Variants in ELMO1 observed in about 807,000 individuals in gnomAD.
ELMO1 encodes engulfment and cell motility 1, also known as engulfment and cell motility protein 1.
ELMO1 carries 26 observed loss-of-function variants against 98.9 expected under a neutral mutation model. The observed-to-expected ratio is 0.26, with a 90% CI of 0.19 to 0.36. The LOEUF is 0.36. Among genes scored for constraint, ELMO1 ranks in the 10% least tolerant of loss-of-function variants. The probability of loss-of-function intolerance (pLI) is 1.00; values close to 1 mark genes in which losing one functional copy is unlikely to be tolerated. For synonymous variants in ELMO1, 346 were observed against 346.0 expected, an observed-to-expected ratio of 1.00 and a Z score of 0.00; for missense variants, 627 against 935.2, an observed-to-expected ratio of 0.67 and a Z score of 4.30.
chr7:37,274,295 T>G (rs958344332), intron 4 of ELMO1, among the ~76,000 whole-genome samples: 2 of 152,190 alleles, frequency 1.3e-5, no homozygotes, highest in Non-Finnish European at 2.9e-5. Flanking sequence ...AACATACCCT[T>G]TCTTTGCTCA....
At chr7:37,383,844 T>C (rs7807029) in intron 1 of ELMO1, among the ~76,000 whole-genome samples, 87,728 of 151,704 alleles carry the variant, frequency 0.58, 25,629 homozygotes, top group East Asian at 0.69. Context: ...GAGATGGAGT[T>C]TGGCTCTGTT....
chr7:37,210,539 G>C (rs1792899796), intron 13 of ELMO1, among the ~76,000 whole-genome samples: 1 of 150,496 alleles, frequency 6.6e-6, no homozygotes, highest in South Asian at 2.1e-4. Flanking sequence ...CTGTATATAT[G>C]TATATGCATG....
At chr7:37,413,806 T>C (rs935063682) in intron 1 of ELMO1, among the ~76,000 whole-genome samples, 30 of 152,188 alleles carry the variant, frequency 2.0e-4, no homozygotes, top group African/African-American at 6.5e-4. Flanking sequence ...GCCGCCCAAA[T>C]AGCGGGGATT....
chr7:37,428,801 G>A (rs1804812639), intron 1 of ELMO1, among the ~76,000 whole-genome samples: 1 of 152,232 alleles, frequency 6.6e-6, no homozygotes, highest in Non-Finnish European at 1.5e-5. Flanking sequence ...CTCTTATGGG[G>A]AAGTGTTAAC....
At chr7:37,419,444 C>T (rs1403385458) in intron 1 of ELMO1, among the ~76,000 whole-genome samples, 3 of 151,772 alleles carry the variant, frequency 2.0e-5, no homozygotes, top group Non-Finnish European at 4.4e-5. Flanking sequence ...TGATTTTTTT[C>T]TTTGTTGTCC....
At chr7:37,182,866 T>C (rs1790969954) in intron 13 of ELMO1, among the ~76,000 whole-genome samples, 1 of 152,134 alleles carries the variant, frequency 6.6e-6, no homozygotes, top group Non-Finnish European at 1.5e-5. Flanking sequence ...GTGTCAAACA[T>C]GGTGGAGGGG....
At chr7:37,393,195 A>G (rs1803155987) in intron 1 of ELMO1, among the ~76,000 whole-genome samples, 1 of 152,228 alleles carries the variant, frequency 6.6e-6, no homozygotes, top group South Asian at 2.1e-4. Flanking sequence ...TGCAGATATA[A>G]TATAAATAAA....
chr7:37,197,387 C>G (rs996541230), intron 13 of ELMO1, among the ~76,000 whole-genome samples: 9 of 152,178 alleles, frequency 5.9e-5, no homozygotes, highest in African/African-American at 2.2e-4. Flanking sequence ...GCCATGAAGC[C>G]AGCTCCCAGC....
Position 37,342,604 on chromosome 7 carries a change from G to A in ELMO1, c.78+9C>T, listed in dbSNP as rs201092994. 1,646 of 1,613,804 alleles carry A rather than the reference G, an allele frequency of 1.0e-3. 8 individuals are homozygous for A. The highest frequency in any genetic ancestry group is 2.1e-3 in the Middle Eastern group (13 of 6,060). ...GAAAATAGACACCCAATGCTGTCAC[G>A]TTACTAACCTGATCAATTTCCATGA... is the stretch of plus-strand genomic sequence containing the variant. On this transcript the variant is annotated intron_variant, in intron 2 of 21. Coordinates refer to ENST00000310758, the MANE Select transcript of ELMO1 (RefSeq NM_014800.11). This position sits in a 1 kb window ranked among gnomAD's most constrained non-coding sequence, Gnocchi z 4.3.
intron 13 of ELMO1, among the ~76,000 whole-genome samples, chr7:37,188,787 T>C (rs1337488547): frequency 1.3e-5 from 2 of 152,126 alleles, no homozygotes; most frequent in African/African-American, 2.4e-5. Context: ...CCACTAAATC[T>C]TGCTGGGGTT....
chr7:37,400,343 T>C (rs1217851770), intron 1 of ELMO1, among the ~76,000 whole-genome samples: 1 of 152,156 alleles, frequency 6.6e-6, no homozygotes, highest in Non-Finnish European at 1.5e-5. Flanking sequence ...ATGTGCTGTG[T>C]GGACCATGAA....
At chr7:37,321,716 CAAAAAAAAAAAAA>C (rs565421716) in intron 2 of ELMO1, among the ~76,000 whole-genome samples, 1 of 66,104 alleles carries the variant, frequency 1.5e-5, no homozygotes, top group Non-Finnish European at 2.7e-5. Context: ...GACTCCGTCT[CAAAAAAAAAAAAA>C]AAAAAAAAAC....
intron 16 of ELMO1, among the ~76,000 whole-genome samples, chr7:37,010,374 G>T (rs1051263292): frequency 6.6e-6 from 1 of 152,206 alleles, no homozygotes; most frequent in Non-Finnish European, 1.5e-5. Context: ...CAGCACAGGG[G>T]AATTGGGGTT....
intron 13 of ELMO1, among the ~76,000 whole-genome samples, chr7:37,161,909 T>C (rs368130265): frequency 1.4e-5 from 1 of 73,836 alleles, no homozygotes; most frequent in Non-Finnish European, 3.0e-5. Flanking sequence ...TAATCAAATA[T>C]ATATATATAT....
At chr7:37,252,987 C>T (rs960556738) in intron 6 of ELMO1, among the ~76,000 whole-genome samples, 3 of 152,174 alleles carry the variant, frequency 2.0e-5, no homozygotes, top group Non-Finnish European at 4.4e-5. Flanking sequence ...AGCTCATCAT[C>T]ACTGGTCATT....
chr7:37,355,603 G>T (rs769127653), intron 1 of ELMO1, among the ~76,000 whole-genome samples: 3 of 152,258 alleles, frequency 2.0e-5, no homozygotes, highest in African/African-American at 4.8e-5. Flanking sequence ...AGGGGGGAAA[G>T]TTAGGGTAAG....
intron 2 of ELMO1, among the ~76,000 whole-genome samples, chr7:37,317,517 C>T (rs1799249767): frequency 6.6e-6 from 1 of 152,102 alleles, no homozygotes; most frequent in Admixed American, 6.5e-5. Context: ...CTGTCATTTG[C>T]AATAACATGG....
At chr7:36,917,941 A>G (rs900232593) in intron 16 of ELMO1, among the ~76,000 whole-genome samples, 1 of 152,240 alleles carries the variant, frequency 6.6e-6, no homozygotes, top group South Asian at 2.1e-4. Context: ...AAAACATAAT[A>G]CTGAGTGAAA....
At chr7:36,989,942 A>C (rs1218425046) in intron 16 of ELMO1, among the ~76,000 whole-genome samples, 1 of 152,202 alleles carries the variant, frequency 6.6e-6, no homozygotes, top group Non-Finnish European at 1.5e-5. Flanking sequence ...TGCAAGGTAA[A>C]CAGATAATTT....
Sources: allele counts gnomAD v4.1 joint callset (sites outside exome capture counted in the v4.1 genomes callset), GRCh38; gene constraint gnomAD v4.1.1; non-coding constraint Gnocchi (gnomAD v3.1); transcripts MANE v1.5; gene names NCBI Gene and HGNC (gene_info 2026-07-23, HGNC 2026-07-21).